The following SLC35E4 variants were observed in gnomAD, a reference collection of about 807,000 sequenced individuals.
SLC35E4 encodes solute carrier family 35 member E4, also known as solute carrier family 35, member E4.
Under a neutral mutation model 19.3 loss-of-function variants are expected in SLC35E4, and 15 were observed. That is an observed-to-expected ratio of 0.78 (90% CI 0.52 to 1.20). SLC35E4 has a LOEUF of 1.20. Among genes scored for constraint, SLC35E4 ranks in the 50% most tolerant of loss-of-function variants. SLC35E4 has a pLI of 0.00. For missense variants in SLC35E4, 406 were observed against 472.3 expected (o/e 0.86, Z 1.30); for synonymous variants, 219 against 219.9 (o/e 1.00, Z 0.04).
chr22:30,662,449 T>G (rs1417378806), exon 3 of SLC35E4: 1 of 152,212 alleles, frequency 6.6e-6, no homozygotes, highest in African/African-American at 2.4e-5. Context: ...AGAAGGGGAC[T>G]AACACCATCT....
rs1158475384 is a variant in SLC35E4 at position 30,657,299 on chromosome 22, A to G, written c.*9-4761A>G. On this transcript the variant is annotated intron_variant, in intron 2 of 2. Coordinates refer to the SLC35E4 transcript ENST00000406566. ...AAAACACACACACACACACACACAC[A>G]CACACACAAATTAGCCGGGCGTGGG... Among the ~76,000 whole-genome samples, 184 of 64,238 alleles carry G rather than the reference A, an allele frequency of 2.9e-3. 1 individual carries two copies. The highest frequency in any genetic ancestry group is 5.2e-3 in the African/African-American group (167 of 32,212). 42.1% of individuals were successfully genotyped at this position (64,238 alleles called of 152,430 possible). A position where few individuals can be genotyped will look rare whatever the true frequency, so the allele number is the denominator to read the frequency against.
downstream of SLC35E4, among the ~76,000 whole-genome samples, chr22:30,650,432 A>G (rs1229233907): frequency 6.6e-6 from 1 of 152,086 alleles, no homozygotes; most frequent in East Asian, 1.9e-4. Context: ...GGAGGCAGAG[A>G]TTGCTGTGAG....
At chr22:30,650,099 A>AG (rs1205391157), downstream of SLC35E4, among the ~76,000 whole-genome samples, 1 of 149,314 alleles carries the variant, frequency 6.7e-6, no homozygotes, top group African/African-American at 2.5e-5. Flanking sequence ...TGGGAGTCCG[A>AG]GGGGGGCGGA....
chr22:30,664,385 G>C (rs1190058723), downstream of SLC35E4, among the ~76,000 whole-genome samples: 5 of 152,216 alleles, frequency 3.3e-5, no homozygotes, highest in Non-Finnish European at 7.3e-5. Context: ...CCTCCCTTGA[G>C]GGGTCCCACA....
intron 1 of SLC35E4, 99 bp from the exon 2 acceptor site, chr22:30,646,499 C>A: frequency 7.2e-7 from 1 of 1,380,796 alleles, no homozygotes; most frequent in Non-Finnish European, 9.8e-7. Flanking sequence ...CCCGAGGGGT[C>A]CGGGTAGGCT....
chr22:30,651,223 C>G (rs1190296721), downstream of SLC35E4, among the ~76,000 whole-genome samples: 1 of 143,856 alleles, frequency 7.0e-6, no homozygotes, highest in Non-Finnish European at 1.5e-5. Flanking sequence ...TTTTTTGAGA[C>G]AGAGTTTCGC....
intron 2 of SLC35E4, among the ~76,000 whole-genome samples, chr22:30,657,126 C>T (rs1188506024): frequency 2.6e-5 from 4 of 151,964 alleles, no homozygotes; most frequent in East Asian, 1.9e-4. Flanking sequence ...CCTTTTTCTA[C>T]GAATAAGCAT....
At chr22:30,643,190 G>A (rs771172468) in intron 1 of SLC35E4, among the ~76,000 whole-genome samples, 1 of 152,316 alleles carries the variant, frequency 6.6e-6, no homozygotes, top group African/African-American at 2.4e-5. Context: ...GGGAAGTGGG[G>A]CGCCAGCCTG....
chr22:30,668,018 T>G (rs2088745921), downstream of SLC35E4: 1 of 155,316 alleles, frequency 6.4e-6, no homozygotes, highest in East Asian at 1.9e-4. Context: ...ACCGGCCTCC[T>G]GGCGCCCAAC....
At chr22:30,637,090 T>C (rs1413297752) in intron 1 of SLC35E4, 21 bp downstream of exon 1, 7 of 1,543,066 alleles carry the variant, frequency 4.5e-6, no homozygotes, top group East Asian at 2.3e-5. Flanking sequence ...GGGTGGCCAA[T>C]TGAGAAGGTG....
chr22:30,654,623 G>C (rs530418778), intron 2 of SLC35E4: 5 of 460,240 alleles, frequency 1.1e-5, no homozygotes, highest in Admixed American at 5.0e-5. Context: ...TAGGTGCCTC[G>C]GGAAGGGTTG....
At chr22:30,651,367 A>ATTTTTTTTTTT (rs35299835), downstream of SLC35E4, among the ~76,000 whole-genome samples, 1 of 77,022 alleles carries the variant, frequency 1.3e-5, no homozygotes, top group Non-Finnish European at 2.3e-5. Flanking sequence ...CACGTGGCTA[A>ATTTTTTTTTTT]TTTTTGTGTG....
At chr22:30,662,402 G>A (rs1357968227) in exon 3 of SLC35E4, 1 of 152,218 alleles carries the variant, frequency 6.6e-6, no homozygotes, top group Admixed American at 6.5e-5. Flanking sequence ...GAACCGCTGA[G>A]ACCTGATGTT....
chr22:30,654,032 T>C (rs1602088465), intron 2 of SLC35E4: 1 of 156,280 alleles, frequency 6.4e-6, no homozygotes, highest in South Asian at 1.8e-4. Flanking sequence ...CAGGCTGGAG[T>C]GCAGTGGCGC....
chr22:30,648,974 G>A (rs144761247), downstream of SLC35E4, among the ~76,000 whole-genome samples: 21 of 152,308 alleles, frequency 1.4e-4, no homozygotes, highest in Non-Finnish European at 2.1e-4. Flanking sequence ...TCCCTGACTC[G>A]CCAGCTGGCG....
At chr22:30,656,148 T>A (rs548677758) in intron 2 of SLC35E4, among the ~76,000 whole-genome samples, 96 of 151,830 alleles carry the variant, frequency 6.3e-4, no homozygotes, top group South Asian at 1.7e-3. Context: ...TTTTTTTTTT[T>A]AAACTTTTTG....
Position 30,636,970 on chromosome 22 carries a change from G to A in SLC35E4, c.520G>A (p.Ala174Thr), listed in dbSNP as rs755334098. ...LAAMGPLCLG[A>T]ACSLAGEFRT... ...CGCCATGGGTCCGCTCTGCCTGGGG[G>A]CCGCCTGCAGCCTGGCTGGAGAGTT... The change falls in exon 1 of 2, where the codon GCC becomes ACC. Residue 174 changes from alanine to threonine, a missense_variant. Physicochemically the swap from Ala to Thr is moderately conservative, Grantham distance 58. Coordinates refer to ENST00000343605, the MANE Select transcript of SLC35E4 (RefSeq NM_001001479.4). 73 of 1,611,832 alleles carry A rather than the reference G, an allele frequency of 4.5e-5. No homozygotes were observed. In the East Asian group the frequency reaches 1.3e-3, roughly 29 times the overall value.
At chr22:30,655,592 A>C (rs2088325117) in intron 2 of SLC35E4, among the ~76,000 whole-genome samples, 1 of 151,946 alleles carries the variant, frequency 6.6e-6, no homozygotes, top group South Asian at 2.1e-4. Context: ...GGCCTGCCTT[A>C]GTATCCCTTC....
intron 1 of SLC35E4, among the ~76,000 whole-genome samples, chr22:30,646,222 AT>A (rs1016488977): frequency 7.3e-5 from 11 of 151,342 alleles, no homozygotes; most frequent in Admixed American, 3.9e-4. Context: ...TAACAGACTT[AT>A]TTATTTTAGT....
Sources: gnomAD v4.1 joint callset for allele counts (sites outside exome capture counted in the v4.1 genomes callset) on GRCh38, gnomAD v4.1.1 for gene constraint, MANE v1.5 for transcripts, NCBI Gene and HGNC (gene_info 2026-07-23, HGNC 2026-07-21) for gene names.